The following INTS3 variants were observed in gnomAD, a reference collection of about 807,000 sequenced individuals.
The protein encoded by INTS3 is integrator complex subunit 3.
A neutral mutation model predicts 146.3 loss-of-function variants in INTS3; 34 were observed. The observed-to-expected ratio is 0.23, with a 90% CI of 0.18 to 0.31. The LOEUF is 0.31. INTS3 is among the 10% of genes least tolerant of loss of function. INTS3 has a pLI of 1.00. For missense variants in INTS3, 757 were observed against 1,304.2 expected (o/e 0.58, Z 6.46); for synonymous variants, 475 against 494.9 (o/e 0.96, Z 0.53).
chr1:153,770,333 G>T, intron 24 of INTS3, 22 bp downstream of exon 24: 1 of 1,382,852 alleles, frequency 7.2e-7, no homozygotes, highest in South Asian at 1.2e-5. Context: ...TTTGGGTAGG[G>T]AGCACATCAG....
At chr1:153,759,422 A>G in intron 10 of INTS3, 104 bp from the exon 11 acceptor site, 2 of 784,934 alleles carry the variant, frequency 2.5e-6, no homozygotes, top group Non-Finnish European at 4.5e-6. Flanking sequence ...ACTGAATTTC[A>G]TAGATGAAAC....
chr1:153,769,293 A>G (rs1672720044), intron 22 of INTS3, among the ~76,000 whole-genome samples: 1 of 152,140 alleles, frequency 6.6e-6, no homozygotes, highest in South Asian at 2.1e-4. Flanking sequence ...TGGTCAGACC[A>G]TTTCTACTTG....
intron 5 of INTS3, 70 bp downstream of exon 5, chr1:153,747,433 A>G: frequency 8.5e-7 from 1 of 1,172,712 alleles, no homozygotes; most frequent in Non-Finnish European, 1.3e-6. Flanking sequence ...ACAATGGAGA[A>G]TGATTAAGTG....
intron 14 of INTS3, 42 bp from the exon 15 acceptor site, chr1:153,762,686 C>T: frequency 6.2e-7 from 1 of 1,611,656 alleles, no homozygotes; most frequent in Non-Finnish European, 8.5e-7. Flanking sequence ...TGTTAGAGGA[C>T]CCAGGAGGCC....
chr1:153,745,072 A>C (rs146991186), intron 3 of INTS3, among the ~76,000 whole-genome samples: 3 of 151,508 alleles, frequency 2.0e-5, no homozygotes, highest in African/African-American at 7.3e-5. Context: ...TATCAAATGC[A>C]GTAATATATA....
intron 1 of INTS3, among the ~76,000 whole-genome samples, chr1:153,734,031 C>A (rs111736946): frequency 6.6e-6 from 1 of 152,128 alleles, no homozygotes; most frequent in African/African-American, 2.4e-5. Flanking sequence ...GCCTTCCCCC[C>A]CTTTCTCCCC....
chr1:153,772,085 G>A lies in INTS3; in HGVS notation c.2720+122G>A, dbSNP rs868487726. On this transcript the variant is annotated intron_variant, in intron 26 of 29. Transcript: ENST00000318967. This position sits in a 1 kb window ranked among gnomAD's most constrained non-coding sequence, Gnocchi z 4.6. ...CAGTGCTGTCCCAGCCTGGTTTGTG[G>A]GCGACATCTAGTGGTCCGAAGCCAC... The A allele has an allele frequency of 2.7e-5, 31 of 1,146,968 alleles. 1 individual carries two copies. In the Middle Eastern group the frequency reaches 3.8e-3, roughly 142 times the overall value. 71.0% of individuals were successfully genotyped at this position (1,146,968 alleles called of 1,614,324 possible).
chr1:153,742,472 T>A (rs1321665397), intron 3 of INTS3, among the ~76,000 whole-genome samples: 2 of 92,424 alleles, frequency 2.2e-5, no homozygotes, highest in East Asian at 3.0e-4. Context: ...GTGGGTTTTT[T>A]AATCTCTGTG....
At chr1:153,745,220 G>C (rs528996289) in intron 3 of INTS3, among the ~76,000 whole-genome samples, 91 of 148,632 alleles carry the variant, frequency 6.1e-4, no homozygotes, top group African/African-American at 2.2e-3. Flanking sequence ...GCAGTGGTAC[G>C]ATCTTGGCTA....
rs1349532307 is a variant in INTS3 at position 153,760,833 on chromosome 1, C to T, written c.1324C>T (p.Pro442Ser). ...TLLDFMCRII[P>S]NFYPPLEGHV... Reference sequence around the variant, plus strand: ...CCTCCTTCTTCGCTTCCAGATCATTCCCAACTTCTATCCACCATTGGAGGG... The same window carrying T: ...CCTCCTTCTTCGCTTCCAGATCATTTCCAACTTCTATCCACCATTGGAGGG... Residue 442 changes from proline (P) to serine (S), a missense_variant, in exon 13 of 30, where the codon CCC (proline) becomes TCC (serine). Around this residue, in one of 8 missense-constraint regions of INTS3, gnomAD observed 97 missense variants for 113.6 expected, o/e 0.85. Transcript: ENST00000318967. The T allele has an allele frequency of 6.2e-7, 1 of 1,613,538 alleles. No individual in the cohort carries two copies. Among genetic ancestry groups the T allele is most frequent in the Admixed American group, 1.7e-5 (1 of 60,020 alleles).
rs769816352 is a variant in INTS3 at position 153,773,297 on chromosome 1, G to A, written c.*27G>A. ...GCCCTGCATTCCCCATCCCACCCCC[G>A]GCTGGACTGCCCTCTCCTTCTTGGT... On this transcript the variant is annotated 3_prime_UTR_variant, in exon 30 of 30. Transcript: ENST00000318967. 21 of 1,595,158 alleles carry A rather than the reference G, an allele frequency of 1.3e-5. No individual in the cohort carries two copies. Among genetic ancestry groups the A allele is most frequent in the Admixed American group, 8.3e-5 (5 of 59,970 alleles).
chr1:153,762,691 G>T, intron 14 of INTS3, 37 bp from the exon 15 acceptor site: 1 of 1,612,960 alleles, frequency 6.2e-7, no homozygotes, highest in Non-Finnish European at 8.5e-7. Flanking sequence ...GAGGACCCAG[G>T]AGGCCATTAA....
intron 1 of INTS3, among the ~76,000 whole-genome samples, chr1:153,735,979 G>T (rs1671267833): frequency 6.6e-6 from 1 of 152,160 alleles, no homozygotes; most frequent in South Asian, 2.1e-4. Context: ...TGATCTACCT[G>T]CCTCGACCTC....
chr1:153,773,051 C>T lies in INTS3; in HGVS notation c.3021C>T (p.Ala1007=), dbSNP rs1156387551. 16 of 1,614,012 alleles carry T rather than the reference C, an allele frequency of 9.9e-6. No homozygotes were observed. Among genetic ancestry groups the T allele is most frequent in the South Asian group, 2.2e-5 (2 of 91,080 alleles). ...SRKNATQPPN[A]EEESGSSSAS... Reference sequence around the variant, plus strand: ...AGAATGCCACACAGCCCCCCAATGCCGAAGAAGAGTCGGGCTCCAGCAGTG... The same window carrying T: ...AGAATGCCACACAGCCCCCCAATGCTGAAGAAGAGTCGGGCTCCAGCAGTG... The change falls in exon 29 of 30, where the codon GCC becomes GCT. Residue 1007 remains alanine, a synonymous_variant. Coordinates refer to ENST00000318967, the MANE Select transcript of INTS3 (RefSeq NM_023015.5).
intron 25 of INTS3, 130 bp from the exon 26 acceptor site, chr1:153,771,663 AAGG>A (rs1672875006): frequency 2.4e-6 from 2 of 822,928 alleles, no homozygotes; most frequent in African/African-American, 3.4e-5. Flanking sequence ...TCCTTGGCCT[AAGG>A]AGAAGAGGGA....
chr1:153,758,191 A>C (rs1005741717), intron 10 of INTS3, among the ~76,000 whole-genome samples: 7 of 152,156 alleles, frequency 4.6e-5, no homozygotes. Context: ...CAGTGGAGGC[A>C]TTTCCTTTCA....
intron 8 of INTS3, 48 bp downstream of exon 8, chr1:153,752,456 G>A (rs1425324880): frequency 1.3e-6 from 2 of 1,570,126 alleles, no homozygotes; most frequent in African/African-American, 1.4e-5. Context: ...GGAGTTCAAT[G>A]TGTATGTCTT....
Position 153,764,753 on chromosome 1 carries a change from G to A in INTS3, c.1970+19G>A. On this transcript the variant is annotated intron_variant, in intron 19 of 29. Transcript: ENST00000318967. The stretch of plus-strand genomic sequence containing the variant: ...TATTTAGGTAAGCACGCAGCTATAG[G>A]AGATACTGTTCTACCCTCCATCCTC... 1 of 1,596,206 alleles carries A rather than the reference G, an allele frequency of 6.3e-7. No homozygotes were observed. Among genetic ancestry groups the A allele is most frequent in the African/African-American group, 1.3e-5 (1 of 74,592 alleles).
intron 1 of INTS3, among the ~76,000 whole-genome samples, chr1:153,735,926 C>G (rs1234041416): frequency 9.2e-5 from 14 of 152,014 alleles, no homozygotes; most frequent in Non-Finnish European, 1.6e-4. Flanking sequence ...TTGGGGGGGT[C>G]TCTTTCTGTT....
Sources: allele counts gnomAD v4.1 joint callset (sites outside exome capture counted in the v4.1 genomes callset), GRCh38; gene constraint gnomAD v4.1.1; regional missense constraint gnomAD v4.1.1; non-coding constraint Gnocchi (gnomAD v3.1); transcripts MANE v1.5; gene names NCBI Gene and HGNC (gene_info 2026-07-23, HGNC 2026-07-21).